DIP2B: variants seen among roughly 807,000 people sequenced by gnomAD.
DIP2B encodes disco-interacting protein 2 homolog B.
DIP2B carries 76 observed loss-of-function variants against 198.0 expected under a neutral mutation model. The ratio of observed to expected loss-of-function variants is 0.38; its 90% confidence interval spans 0.32 to 0.46. The LOEUF (loss-of-function observed/expected upper bound fraction) is 0.46. DIP2B is among the 20% of genes least tolerant of loss of function. DIP2B has a pLI of 0.99. For synonymous variants in DIP2B, 701 were observed against 739.1 expected (o/e 0.95, Z 0.84); for missense variants, 1,559 against 1,978.4 (o/e 0.79, Z 4.02).
At chr12:50,606,113 G>A (rs911129439) in intron 1 of DIP2B, among the ~76,000 whole-genome samples, 8 of 151,302 alleles carry the variant, frequency 5.3e-5, no homozygotes, top group African/African-American at 1.5e-4. Context: ...ATGAGCCACC[G>A]CACCTGGCCT....
At chr12:50,512,263 C>T (rs1158232277) in intron 1 of DIP2B, among the ~76,000 whole-genome samples, 12 of 151,820 alleles carry the variant, frequency 7.9e-5, no homozygotes, top group Admixed American at 6.6e-4. Flanking sequence ...TGTGCCACCA[C>T]GCCCGGCTAA....
intron 1 of DIP2B, among the ~76,000 whole-genome samples, chr12:50,594,751 A>G (rs1384722824): frequency 1.3e-5 from 2 of 152,222 alleles, no homozygotes; most frequent in Non-Finnish European, 2.9e-5. Flanking sequence ...ACCCACCTCT[A>G]ATATTACATA....
intron 3 of DIP2B, among the ~76,000 whole-genome samples, chr12:50,641,443 A>G (rs1042879186): frequency 3.3e-4 from 50 of 152,208 alleles, no homozygotes; most frequent in African/African-American, 1.1e-3. Flanking sequence ...GGCCATGTGA[A>G]TAAATAAGTA....
rs753451371 is a variant in DIP2B, at chr12:50,691,009, A to G, written c.1552-40A>G. On this transcript the variant is annotated intron_variant, in intron 12 of 37. Transcript: ENST00000301180. ...CTAGTTTTGTCATCTGAAATAACCC[A>G]TTTTATTGTGTTTCTTATGTTTCTG... is the stretch of plus-strand genomic sequence containing the variant. 13 of 1,577,360 alleles carry G rather than the reference A, an allele frequency of 8.2e-6. No individual in the cohort carries two copies. The Admixed American group carries it at 1.5e-4, about 18-fold the overall frequency.
At position 50,723,219 on chromosome 12, in the gene DIP2B, G is replaced by T; in HGVS notation, c.3184G>T (p.Ala1062Ser). Residue 1062 changes from alanine (A) to serine (S), a missense_variant, in exon 27 of 38, where the codon GCC becomes TCC. Ala to Ser is a moderately conservative substitution (Grantham distance 99). Transcript: ENST00000301180. The stretch of plus-strand genomic sequence containing the variant: ...TCTTGCAGGCATTGAGTTAATCGCC[G>T]CCTTCTATGGCTGCCTGTATGCGGG... ...LYPPGIELIAAFYGCLYAGCI... is the reference protein window; with the variant it reads ...LYPPGIELIASFYGCLYAGCI... The T allele has an allele frequency of 1.9e-6, 3 of 1,614,046 alleles. No individual in the cohort carries two copies. Among genetic ancestry groups the T allele is most frequent in the Non-Finnish European group, 2.5e-6 (3 of 1,180,014 alleles).
intron 17 of DIP2B, among the ~76,000 whole-genome samples, chr12:50,697,451 G>T (rs1939332784): frequency 6.8e-6 from 1 of 146,902 alleles, no homozygotes; most frequent in Non-Finnish European, 1.5e-5. Flanking sequence ...TGTAGCTTAA[G>T]TATGGATAGT....
At chr12:50,722,408 C>CA (rs933275682) in intron 26 of DIP2B, among the ~76,000 whole-genome samples, 3 of 152,036 alleles carry the variant, frequency 2.0e-5, no homozygotes, top group African/African-American at 7.2e-5. Flanking sequence ...CACACGCCAC[C>CA]ACGCCCAGCT....
intron 3 of DIP2B, among the ~76,000 whole-genome samples, chr12:50,645,369 A>G (rs771551876): frequency 6.6e-6 from 1 of 152,218 alleles, no homozygotes; most frequent in African/African-American, 2.4e-5. Flanking sequence ...CAATGGTTAA[A>G]TAAGTCATAG....
At chr12:50,540,054 T>TG (rs1491171799) in intron 1 of DIP2B, among the ~76,000 whole-genome samples, 12 of 35,044 alleles carry the variant, frequency 3.4e-4, no homozygotes, top group Non-Finnish European at 6.9e-4. Flanking sequence ...TGTTTCTGTG[T>TG]TTTTTTTTTT....
chr12:50,506,617 C>T (rs1169738016), intron 1 of DIP2B, among the ~76,000 whole-genome samples: 1 of 152,042 alleles, frequency 6.6e-6, no homozygotes, highest in African/African-American at 2.4e-5. Context: ...TCCCGGGAAT[C>T]ACTGGTATTA....
chr12:50,559,951 G>C (rs1427174472), intron 1 of DIP2B, among the ~76,000 whole-genome samples: 8 of 152,026 alleles, frequency 5.3e-5, no homozygotes, highest in Non-Finnish European at 8.8e-5. Context: ...AATATATCTT[G>C]TTTCCTACCC....
intron 1 of DIP2B, among the ~76,000 whole-genome samples, chr12:50,620,685 A>C (rs1208185451): frequency 6.6e-6 from 1 of 152,224 alleles, no homozygotes; most frequent in East Asian, 1.9e-4. Flanking sequence ...TTTAATGCAA[A>C]TTTTATATAG....
chr12:50,737,827 A>T (rs1334378278), intron 35 of DIP2B, among the ~76,000 whole-genome samples: 1 of 152,050 alleles, frequency 6.6e-6, no homozygotes, highest in East Asian at 1.9e-4. Context: ...AGTTCAGGTG[A>T]TCCGCCTGCC....
chr12:50,604,136 G>A (rs547771444), intron 1 of DIP2B, among the ~76,000 whole-genome samples: 10 of 140,012 alleles, frequency 7.1e-5, no homozygotes, highest in Non-Finnish European at 1.4e-4. Context: ...TGAAAGAACC[G>A]AGAGCAGACA....
chr12:50,615,388 T>C (rs912766997), intron 1 of DIP2B, among the ~76,000 whole-genome samples: 2 of 152,194 alleles, frequency 1.3e-5, no homozygotes, highest in Non-Finnish European at 2.9e-5. Flanking sequence ...CTCTGCTCAT[T>C]TCTGGTTTAG....
At chr12:50,728,073 A>G (rs1939968482) in intron 29 of DIP2B, among the ~76,000 whole-genome samples, 1 of 152,252 alleles carries the variant, frequency 6.6e-6, no homozygotes, top group Admixed American at 6.5e-5. Context: ...GAAATCTGAT[A>G]TTTAGATATC....
chr12:50,657,908 T>C (rs1418920947), intron 3 of DIP2B, among the ~76,000 whole-genome samples: 1 of 152,046 alleles, frequency 6.6e-6, no homozygotes, highest in Non-Finnish European at 1.5e-5. Context: ...ATAGAGGACA[T>C]TATTGGGACA....
intron 1 of DIP2B, among the ~76,000 whole-genome samples, chr12:50,540,251 G>GCGC (rs1958310822): frequency 6.6e-6 from 1 of 150,786 alleles, no homozygotes; most frequent in Non-Finnish European, 1.5e-5. Flanking sequence ...GGGATTACAG[G>GCGC]TGCCCACCAC....
chr12:50,636,125 C>T (rs1044776294), intron 2 of DIP2B, among the ~76,000 whole-genome samples: 10 of 152,022 alleles, frequency 6.6e-5, no homozygotes, highest in African/African-American at 1.4e-4. Flanking sequence ...AACAAAGTAG[C>T]GTGGAAATTC....
Sources: allele counts gnomAD v4.1 joint callset (sites outside exome capture counted in the v4.1 genomes callset), GRCh38; gene constraint gnomAD v4.1.1; transcripts MANE v1.5; gene names NCBI Gene and HGNC (gene_info 2026-07-23, HGNC 2026-07-21).